PACRG: variants seen among roughly 807,000 people sequenced by gnomAD.
The protein encoded by PACRG is parkin coregulated gene protein.
PACRG carries 29 observed loss-of-function variants against 29.7 expected under a neutral mutation model. That is an observed-to-expected ratio of 0.98 (90% CI 0.73 to 1.33). PACRG has a LOEUF of 1.33. PACRG is among the 40% of genes most tolerant of loss of function. The probability of loss-of-function intolerance (pLI) is 0.00; values close to 1 mark genes in which losing one functional copy is unlikely to be tolerated. For synonymous variants in PACRG, 116 were observed against 118.7 expected, an observed-to-expected ratio of 0.98 and a Z score of 0.15; for missense variants, 279 against 316.2, an observed-to-expected ratio of 0.88 and a Z score of 0.89.
At chr6:163,188,193 C>G (rs1378496081) in intron 4 of PACRG, among the ~76,000 whole-genome samples, 2 of 152,180 alleles carry the variant, frequency 1.3e-5, no homozygotes, top group Admixed American at 6.5e-5. Flanking sequence ...GCAGGAGCCC[C>G]AAGTCAACCA....
intron 2 of PACRG, among the ~76,000 whole-genome samples, chr6:162,816,263 G>T (rs182347013): frequency 6.6e-6 from 1 of 152,114 alleles, no homozygotes; most frequent in Non-Finnish European, 1.5e-5. Context: ...ATCTTATTCC[G>T]GAAGCTGTGG....
chr6:163,201,497 G>A (rs1780696660), intron 4 of PACRG, among the ~76,000 whole-genome samples: 1 of 152,182 alleles, frequency 6.6e-6, no homozygotes, highest in Admixed American at 6.5e-5. Flanking sequence ...GCTGTGTGGG[G>A]ACAGTCTCCT....
intron 1 of PACRG, among the ~76,000 whole-genome samples, chr6:162,770,805 C>T (rs1306680935): frequency 1.3e-5 from 2 of 152,036 alleles, no homozygotes. Flanking sequence ...CAACTTGGTG[C>T]CCTAGTAATT....
At chr6:162,824,521 T>C (rs1788114516) in intron 2 of PACRG, among the ~76,000 whole-genome samples, 1 of 152,224 alleles carries the variant, frequency 6.6e-6, no homozygotes, top group African/African-American at 2.4e-5. Flanking sequence ...TGCATTTTCC[T>C]CTTTTTCTGT....
chr6:163,284,997 C>T (rs1218164542), intron 4 of PACRG, among the ~76,000 whole-genome samples: 3 of 152,138 alleles, frequency 2.0e-5, no homozygotes, highest in Admixed American at 2.0e-4. Flanking sequence ...AGCCATTGAC[C>T]TTCACACCCA....
chr6:163,228,612 C>CT (rs932312091), intron 4 of PACRG, among the ~76,000 whole-genome samples: 1 of 152,060 alleles, frequency 6.6e-6, no homozygotes, highest in African/African-American at 2.4e-5. Flanking sequence ...AGTACAGTCA[C>CT]TTTTTTAAAA....
At chr6:163,140,661 T>TA (rs775316756) in intron 4 of PACRG, among the ~76,000 whole-genome samples, 1 of 152,010 alleles carries the variant, frequency 6.6e-6, no homozygotes, top group Non-Finnish European at 1.5e-5. Context: ...ATTTCCATGC[T>TA]AAAAAAAGGC....
At chr6:163,139,341 C>T (rs1272838920) in intron 4 of PACRG, among the ~76,000 whole-genome samples, 1 of 152,254 alleles carries the variant, frequency 6.6e-6, no homozygotes, top group Non-Finnish European at 1.5e-5. Context: ...AGGATCCTCT[C>T]CTAGGATCCT....
intron 2 of PACRG, among the ~76,000 whole-genome samples, chr6:162,936,917 A>G (rs1459016144): frequency 1.3e-5 from 2 of 152,182 alleles, no homozygotes; most frequent in Non-Finnish European, 2.9e-5. Context: ...TTAAGCATTC[A>G]ATAGAGAGAG....
At chr6:162,727,356 A>C, upstream of PACRG, 7 of 346,230 alleles carry the variant, frequency 2.0e-5, no homozygotes, top group East Asian at 1.4e-4. Flanking sequence ...GGGACCCCAC[A>C]CGGTCCGGGG....
chr6:162,732,617 A>G (rs1779856288), intron 1 of PACRG, among the ~76,000 whole-genome samples: 3 of 152,236 alleles, frequency 2.0e-5, no homozygotes, highest in South Asian at 4.1e-4. Flanking sequence ...AATAATTACA[A>G]TACAAATAAA....
At chr6:163,077,282 G>T (rs556700867) in intron 3 of PACRG, among the ~76,000 whole-genome samples, 2 of 152,142 alleles carry the variant, frequency 1.3e-5, no homozygotes, top group Non-Finnish European at 2.9e-5. Context: ...GGCCTAGTAG[G>T]AGGAGAGGTG....
At chr6:162,948,798 T>A (rs753081676) in intron 2 of PACRG, among the ~76,000 whole-genome samples, 17 of 152,140 alleles carry the variant, frequency 1.1e-4, no homozygotes, top group Non-Finnish European at 2.4e-4. Flanking sequence ...TCAACGTCAC[T>A]AAGTATTGGG....
In PACRG at chr6:163,245,637, C is replaced by T. The variant is rs1327503316; in HGVS notation, c.614-69190C>T. On this transcript the variant is annotated intron_variant, in intron 4 of 4. Coordinates refer to ENST00000366888, the MANE Select transcript of PACRG (RefSeq NM_001080379.2). ...TCAAATTCAGCCTCACAGTTTTCAA[C>T]ACCGTCTCTGCACTGATGGTTCCCT... 2.0e-5 allele frequency among the ~76,000 whole-genome samples: 3 copies of T among 152,130 alleles called. No individual in the cohort carries two copies. The East Asian group carries it at 5.8e-4, about 29-fold the overall frequency.
chr6:163,232,429 T>G (rs1026427194), intron 4 of PACRG, among the ~76,000 whole-genome samples: 1 of 151,636 alleles, frequency 6.6e-6, no homozygotes, highest in Non-Finnish European at 1.5e-5. Flanking sequence ...TCTTACTTTG[T>G]TTAGTAAGAA....
chr6:163,260,689 C>T (rs1036938752), intron 4 of PACRG, among the ~76,000 whole-genome samples: 1 of 152,134 alleles, frequency 6.6e-6, no homozygotes, highest in Admixed American at 6.6e-5. Flanking sequence ...GAAGACAATC[C>T]GCTGCCCTCG....
In PACRG at chr6:162,787,580, G is replaced by GTATCTATATATATATATA. The variant is rs746185048; in HGVS notation, c.157-26566_157-26565insATCTATATATATATATAT. ...TTATTGTGTGTGTGTGTGTGTGTGT[G>GTATCTATATATATATATA]TGTATATATATATATATATATATAT... On this transcript the variant is annotated intron_variant, in intron 1 of 4. Transcript: ENST00000366888. Among the ~76,000 whole-genome samples the GTATCTATATATATATATA allele has an allele frequency of 4.6e-4, 32 of 69,154 alleles. 1 individual carries two copies. The highest frequency in any genetic ancestry group is 8.3e-3 in the Middle Eastern group (1 of 120). The allele number at this position is 69,154 out of a possible 152,430, so 45.4% of individuals were successfully genotyped here.
chr6:163,082,383 T>G (rs1472116241), intron 3 of PACRG, among the ~76,000 whole-genome samples: 1 of 152,112 alleles, frequency 6.6e-6, no homozygotes, highest in African/African-American at 2.4e-5. Flanking sequence ...TATCTTAAAG[T>G]TTGTCTCAAA....
intron 4 of PACRG, among the ~76,000 whole-genome samples, chr6:163,219,010 T>C (rs1387670252): frequency 2.6e-5 from 4 of 152,254 alleles, no homozygotes; most frequent in Non-Finnish European, 4.4e-5. Flanking sequence ...ACAGTGCCTG[T>C]TCTGTCCAGC....
Sources: gnomAD v4.1 joint callset for allele counts (sites outside exome capture counted in the v4.1 genomes callset) on GRCh38, gnomAD v4.1.1 for gene constraint, MANE v1.5 for transcripts, NCBI Gene and HGNC (gene_info 2026-07-23, HGNC 2026-07-21) for gene names.